The following OTOG variants were observed in gnomAD, a reference collection of about 807,000 sequenced individuals.
OTOG encodes otogelin.
OTOG carries 296 observed loss-of-function variants against 313.8 expected under a neutral mutation model. The ratio of observed to expected loss-of-function variants is 0.94; its 90% CI spans 0.86 to 1.04. The LOEUF is 1.04. OTOG is among the 50% of genes least tolerant of loss of function. The probability of loss-of-function intolerance (pLI) is 0.00; values close to 1 mark genes in which losing one functional copy is unlikely to be tolerated. For synonymous variants in OTOG, 1,533 were observed against 1,554.9 expected (o/e 0.99, Z 0.33); for missense variants, 3,948 against 3,840.1 (o/e 1.03, Z -0.74).
In OTOG at chr11:17,609,650, C is replaced by A. The variant is rs766181347; in HGVS notation, c.4355-5C>A. On this transcript the variant is annotated splice_region_variant and splice_polypyrimidine_tract_variant and intron_variant, in intron 35 of 55. Transcript: ENST00000399397. ...CCTTCTGAACCTCTTCTTTTGTCTC[C>A]GCAGGTGTGGAGCCAGCAGTTTGGG... is the stretch of plus-strand genomic sequence containing the variant. 4 of 1,480,192 alleles carry A rather than the reference C, an allele frequency of 2.7e-6. No individual in the cohort carries two copies. The allele number at this position is 1,480,192 out of a possible 1,614,324, so 91.7% of individuals were successfully genotyped here. A position where few individuals can be genotyped will look rare whatever the true frequency, so the allele number is the denominator to read the frequency against.
chr11:17,608,401 G>A lies in OTOG; in HGVS notation c.4262G>A (p.Arg1421Gln), dbSNP rs778218478. The A allele has an allele frequency of 3.5e-4, 540 of 1,541,826 alleles. 3 individuals are homozygous for A. Among genetic ancestry groups the A allele is most frequent in the Admixed American group, 6.8e-4 (34 of 50,002 alleles). ...CGGGACCCACGGGCAGCCAGCTGCC[G>A]GGACGTACCCAGGTGAGATGCCAGG... ...TCRDPRAASCRDVPRVEGCVP... is the reference protein window; with the variant it reads ...TCRDPRAASCQDVPRVEGCVP... Residue 1421 changes from arginine to glutamine, a missense_variant, in exon 34 of 56, where the codon CGG becomes CAG. Coordinates refer to ENST00000399397, the MANE Select transcript of OTOG (RefSeq NM_001292063.2).
At chr11:17,614,977 C>T (rs1853686542) in intron 39 of OTOG, among the ~76,000 whole-genome samples, 1 of 152,234 alleles carries the variant, frequency 6.6e-6, no homozygotes, top group Non-Finnish European at 1.5e-5. Context: ...AGCATTCCCA[C>T]CAGCAATGGA....
At position 17,547,486 on chromosome 11, in the gene OTOG, A is replaced by G; in HGVS notation, c.94+20A>G. 7.5e-7 allele frequency: 1 copy of G among 1,341,730 alleles called. No individual in the cohort carries two copies. The highest frequency in any genetic ancestry group is 9.5e-7 in the Non-Finnish European group (1 of 1,048,188). 83.1% of individuals were successfully genotyped at this position (1,341,730 alleles called of 1,614,324 possible). ...GCCTCGGTGAGAGGGTTGTGGACTC[A>G]GGGAGGTCGGGGGCTCGAGGAATGA... On this transcript the variant is annotated intron_variant, in intron 1 of 55. Transcript: ENST00000399397.
intron 13 of OTOG, 59 bp downstream of exon 13, chr11:17,560,876 G>C: frequency 1.4e-6 from 2 of 1,423,364 alleles, no homozygotes; most frequent in Admixed American, 3.9e-5. Flanking sequence ...CTTTCCACGA[G>C]GGCTGCCCAT....
chr11:17,561,791 A>G lies in OTOG; in HGVS notation c.1628A>G (p.Asn543Ser), dbSNP rs1378044187. 5.2e-6 allele frequency: 8 copies of G among 1,550,200 alleles called. No individual in the cohort carries two copies. The highest frequency in any genetic ancestry group is 5.2e-6 in the Non-Finnish European group (6 of 1,146,940). The change falls in exon 15 of 56, where the codon AAT (asparagine) becomes AGT (serine). Residue 543 changes from asparagine (N) to serine (S), a missense_variant. Coordinates refer to ENST00000399397, the MANE Select transcript of OTOG (RefSeq NM_001292063.2). ...SSGTFTVTLQ[N>S]APCGLNQDGA... ...GGCACCTTCACCGTGACATTGCAGAATGCCCCATGTGGCCTGGTAAGAGCT... is the reference window on the plus strand; with the variant it reads ...GGCACCTTCACCGTGACATTGCAGAGTGCCCCATGTGGCCTGGTAAGAGCT...
intron 15 of OTOG, among the ~76,000 whole-genome samples, chr11:17,568,696 T>C (rs781223908): frequency 6.6e-6 from 1 of 152,166 alleles, no homozygotes; most frequent in Non-Finnish European, 1.5e-5. Context: ...ATTTGAGAGA[T>C]AGAGAACCTG....
intron 15 of OTOG, among the ~76,000 whole-genome samples, chr11:17,568,234 T>C (rs1852331426): frequency 6.6e-6 from 1 of 152,226 alleles, no homozygotes; most frequent in South Asian, 2.1e-4. Flanking sequence ...CAGATTGCTA[T>C]GAGAGTTAGG....
chr11:17,557,988 T>C (rs1388889879), intron 8 of OTOG, among the ~76,000 whole-genome samples, 197 bp from the exon 9 acceptor site: 1 of 152,196 alleles, frequency 6.6e-6, no homozygotes, highest in Non-Finnish European at 1.5e-5. Context: ...CTGAGCATTC[T>C]TGGCTATTAC....
At chr11:17,566,762 C>T (rs1372099296) in intron 15 of OTOG, among the ~76,000 whole-genome samples, 2 of 152,210 alleles carry the variant, frequency 1.3e-5, no homozygotes, top group Admixed American at 1.3e-4. Flanking sequence ...TTCTCAGTTT[C>T]TTTTGCCTTT....
At chr11:17,627,503 T>C (rs1854016076) in intron 39 of OTOG, among the ~76,000 whole-genome samples, 1 of 152,218 alleles carries the variant, frequency 6.6e-6, no homozygotes. Flanking sequence ...GCTAGTATTT[T>C]TTTGAGGATT....
At chr11:17,558,785 A>C in intron 10 of OTOG, 141 bp downstream of exon 10, 1 of 964,384 alleles carries the variant, frequency 1.0e-6, no homozygotes, top group South Asian at 1.6e-5. Context: ...CCTAGGTGGG[A>C]CAGAGCTGCC....
In OTOG at chr11:17,560,713, C is replaced by T. The variant is rs866138206; in HGVS notation, c.1347C>T (p.Leu449=). 7 of 1,550,298 alleles carry T rather than the reference C, an allele frequency of 4.5e-6. No individual in the cohort carries two copies. In the South Asian group the frequency reaches 7.1e-5, roughly 16 times the overall value. Residue 449 remains leucine, a synonymous_variant, in exon 13 of 56, where the codon CTC becomes CTT. Coordinates refer to ENST00000399397, the MANE Select transcript of OTOG (RefSeq NM_001292063.2). The part of the protein sequence containing the change: ...CVDGCYCPNG[L]IFEDGGCVAP... The stretch of plus-strand genomic sequence containing the variant: ...GGCCCTTTGCTGTCACTCTAGGGCT[C>T]ATCTTCGAGGATGGGGGCTGCGTGG...
Position 17,602,374 on chromosome 11 carries a change from C to G in OTOG, c.3874C>G (p.His1292Asp). 6.5e-7 allele frequency: 1 copy of G among 1,549,686 alleles called. No individual in the cohort carries two copies. The highest frequency in any genetic ancestry group is 8.7e-7 in the Non-Finnish European group (1 of 1,146,490). ...AGCTGCTCTGTACAAGGCCAAGGCC[C>G]ATGGTAAGGCCCATCCCAGTCCCAC... ...LTAALYKAKA[H>D]DPDVVSLEAA... is the part of the protein sequence containing the mutation. Residue 1292 changes from histidine (H) to aspartate (D), a missense_variant, in exon 32 of 56, where the codon CAT becomes GAT. Coordinates refer to ENST00000399397, the MANE Select transcript of OTOG (RefSeq NM_001292063.2).
chr11:17,572,178 A>G lies in OTOG; in HGVS notation c.2054A>G (p.Asp685Gly). 1 of 1,550,246 alleles carries G rather than the reference A, an allele frequency of 6.5e-7. No homozygotes were observed. The highest frequency in any genetic ancestry group is 8.7e-7 in the Non-Finnish European group (1 of 1,146,888). The change falls in exon 18 of 56, where the codon GAC (aspartate) becomes GGC (glycine). Residue 685 changes from aspartate (D) to glycine (G), a missense_variant. Coordinates refer to ENST00000399397, the MANE Select transcript of OTOG (RefSeq NM_001292063.2). ...CCGCTGGTCTCTGGCTCCCCTCTGG[A>G]CCCCTGCGATGTGCACCTGCAAGCC... ...CSPLVSGSPL[D>G]PCDVHLQAAS...
intron 3 of OTOG, among the ~76,000 whole-genome samples, chr11:17,549,625 A>G (rs1851890707): frequency 6.6e-6 from 1 of 152,234 alleles, no homozygotes; most frequent in Non-Finnish European, 1.5e-5. Context: ...CAGGCCGTGC[A>G]TACAGGACTT....
At position 17,608,424 on chromosome 11, in the gene OTOG, A is replaced by G. The variant is rs1853444008; in HGVS notation, c.4274+11A>G. 1 of 1,517,444 alleles carries G rather than the reference A, an allele frequency of 6.6e-7. No individual in the cohort carries two copies. Among genetic ancestry groups the G allele is most frequent in the Non-Finnish European group, 8.9e-7 (1 of 1,129,854 alleles). The allele number at this position is 1,517,444 out of a possible 1,614,324, so 94.0% of individuals were successfully genotyped here. ...CCGGGACGTACCCAGGTGAGATGCC[A>G]GGGGCTGTGGGCATGGAGCCAAGGT... On this transcript the variant is annotated intron_variant, in intron 34 of 55. Coordinates refer to ENST00000399397, the MANE Select transcript of OTOG (RefSeq NM_001292063.2).
At chr11:17,606,405 T>C (rs982130420) in intron 33 of OTOG, among the ~76,000 whole-genome samples, 5 of 152,244 alleles carry the variant, frequency 3.3e-5, no homozygotes, top group African/African-American at 1.2e-4. Flanking sequence ...TCTAAAAATA[T>C]AGCAGCCTTT....
chr11:17,635,768 TC>T, intron 47 of OTOG, 57 bp downstream of exon 47: 1 of 1,411,254 alleles, frequency 7.1e-7, no homozygotes. Flanking sequence ...TTCACAGAGT[TC>T]CCACCCCGGA....
chr11:17,626,124 T>C (rs1489020709), intron 39 of OTOG, among the ~76,000 whole-genome samples: 1 of 152,184 alleles, frequency 6.6e-6, no homozygotes, highest in African/African-American at 2.4e-5. Context: ...TGTATGAATT[T>C]GTTTCTGGGT....
Sources: allele counts gnomAD v4.1 joint callset (sites outside exome capture counted in the v4.1 genomes callset), GRCh38; gene constraint gnomAD v4.1.1; transcripts MANE v1.5; gene names NCBI Gene and HGNC (gene_info 2026-07-23, HGNC 2026-07-21).